Variants in RBFOX1 observed in about 807,000 individuals in gnomAD.
RBFOX1 encodes the protein RNA binding fox-1 homolog 1.
A neutral mutation model predicts 57.7 loss-of-function variants in RBFOX1; 8 were observed. That is an observed-to-expected ratio of 0.14 (90% CI 0.08 to 0.25). RBFOX1 has a LOEUF of 0.25. Ranked by LOEUF, RBFOX1 falls within the 10% of genes least tolerant of loss-of-function variation. RBFOX1 has a pLI of 1.00. For synonymous variants in RBFOX1, 326 were observed against 222.4 expected (o/e 1.47, Z -4.15); for missense variants, 611 against 548.5 (o/e 1.11, Z -1.14).
intron 4 of RBFOX1, among the ~76,000 whole-genome samples, chr16:7,467,119 G>A (rs150360840): frequency 6.6e-6 from 1 of 152,284 alleles, no homozygotes; most frequent in African/African-American, 2.4e-5. Context: ...AGTAACACAA[G>A]CATCTAACAG....
At chr16:7,486,230 C>A (rs1384393886) in intron 4 of RBFOX1, among the ~76,000 whole-genome samples, 1 of 139,300 alleles carries the variant, frequency 7.2e-6, no homozygotes, top group South Asian at 2.4e-4. Context: ...TCAAGTGATT[C>A]TCCTGCCTCA....
intron 12 of RBFOX1, among the ~76,000 whole-genome samples, chr16:7,660,153 T>G (rs1456133246): frequency 6.6e-6 from 1 of 152,190 alleles, no homozygotes; most frequent in African/African-American, 2.4e-5. Context: ...ACTTTTTTTT[T>G]AAAGTAAACT....
intron 4 of RBFOX1, among the ~76,000 whole-genome samples, chr16:7,069,463 C>T (rs1431343105): frequency 6.6e-6 from 1 of 152,140 alleles, no homozygotes; most frequent in Non-Finnish European, 1.5e-5. Flanking sequence ...TTTTCTGTTC[C>T]TGTTTTCGTT....
At chr16:5,709,815 A>ATG (rs1385398207) in intron 3 of RBFOX1, among the ~76,000 whole-genome samples, 3 of 11,484 alleles carry the variant, frequency 2.6e-4, no homozygotes, top group African/African-American at 1.4e-3. Context: ...TTCTTTATAT[A>ATG]TATATATATA....
At chr16:7,632,585 A>C (rs1478293060) in intron 11 of RBFOX1, among the ~76,000 whole-genome samples, 1 of 152,214 alleles carries the variant, frequency 6.6e-6, no homozygotes, top group African/African-American at 2.4e-5. Flanking sequence ...CCATTTGACT[A>C]AATCTGATCG....
intron 2 of RBFOX1, among the ~76,000 whole-genome samples, chr16:6,351,372 A>AT (rs761394862): frequency 0.017 from 1,479 of 86,308 alleles, 27 homozygotes; most frequent in African/African-American, 0.036. Flanking sequence ...ATATATATAT[A>AT]TTTTTTTTTT....
In RBFOX1 at chr16:5,572,127, G is replaced by C. The variant is rs111492462; in HGVS notation, c.259-26775G>C. Among the ~76,000 whole-genome samples the C allele has an allele frequency of 5.5e-3, 832 of 152,232 alleles. 2 individuals carry two copies. The highest frequency in any genetic ancestry group is 9.0e-3 in the Non-Finnish European group (615 of 68,022). Reference sequence around the variant, plus strand: ...GGTCCCTTAAATACATGATTTGTTAGGAATGGAATGGCTTAATCTAGGTGG... The same window carrying C: ...GGTCCCTTAAATACATGATTTGTTACGAATGGAATGGCTTAATCTAGGTGG... On this transcript the variant is annotated intron_variant, in intron 2 of 2. Transcript: ENST00000585867.
At chr16:7,417,778 T>C (rs1026511785) in intron 4 of RBFOX1, among the ~76,000 whole-genome samples, 6 of 152,228 alleles carry the variant, frequency 3.9e-5, no homozygotes, top group African/African-American at 1.4e-4. Context: ...AAAGGCTTCA[T>C]GTTGGTCACC....
At chr16:5,320,751 C>G (rs1429175410) in intron 1 of RBFOX1, among the ~76,000 whole-genome samples, 1 of 152,160 alleles carries the variant, frequency 6.6e-6, no homozygotes, top group East Asian at 1.9e-4. Context: ...CCTGGCCACC[C>G]TTGATATCGG....
At chr16:7,709,338 A>G (rs2083507123) in intron 15 of RBFOX1, among the ~76,000 whole-genome samples, 2 of 152,226 alleles carry the variant, frequency 1.3e-5, no homozygotes, top group South Asian at 4.1e-4. Flanking sequence ...GTAAGTTATT[A>G]TATTTCTAAT....
chr16:7,513,551 A>C (rs983783473), intron 4 of RBFOX1, among the ~76,000 whole-genome samples: 2 of 152,182 alleles, frequency 1.3e-5, no homozygotes, highest in African/African-American at 4.8e-5. Context: ...AGGTAGTCGT[A>C]TACTCTGTAA....
At chr16:7,077,100 T>C (rs144406639) in intron 4 of RBFOX1, among the ~76,000 whole-genome samples, 21 of 152,330 alleles carry the variant, frequency 1.4e-4, no homozygotes, top group African/African-American at 3.1e-4. Context: ...GATGCACTTA[T>C]AATTTTCTGC....
rs1208311919 is a variant in RBFOX1, at chr16:5,333,441, C to T, written c.219+93336C>T. ...ACAGCTGAAAATATTTTCTACCTGG[C>T]CCTTAATAGGAAGAGTTTACAGATC... On this transcript the variant is annotated intron_variant, in intron 1 of 2. Transcript: ENST00000585867. Among the ~76,000 whole-genome samples, 3 of 24,106 alleles carry T rather than the reference C, an allele frequency of 1.2e-4. No individual in the cohort carries two copies. In the Non-Finnish European group the frequency reaches 0.013, roughly 102 times the overall value. The allele number at this position is 24,106 out of a possible 152,430, so 15.8% of individuals were successfully genotyped here. A position where few individuals can be genotyped will look rare whatever the true frequency, so the allele number is the denominator to read the frequency against.
At chr16:6,409,400 G>A (rs747447418) in intron 2 of RBFOX1, among the ~76,000 whole-genome samples, 8 of 152,240 alleles carry the variant, frequency 5.3e-5, no homozygotes, top group Non-Finnish European at 1.2e-4. Context: ...GGCAACGGGA[G>A]CGAAACCCGG....
intron 4 of RBFOX1, among the ~76,000 whole-genome samples, chr16:5,923,094 G>C (rs747982993): frequency 1.3e-5 from 2 of 152,316 alleles, no homozygotes; most frequent in South Asian, 4.1e-4. Context: ...TGCTGGAGCA[G>C]CTGATAATTT....
At chr16:7,026,506 C>G (rs77879735) in intron 3 of RBFOX1, among the ~76,000 whole-genome samples, 3 of 151,980 alleles carry the variant, frequency 2.0e-5, no homozygotes, top group East Asian at 1.9e-4. Flanking sequence ...TTCTTCTTCT[C>G]TCTGTTTCTA....
At chr16:6,565,558 C>G (rs1471595459) in intron 2 of RBFOX1, among the ~76,000 whole-genome samples, 3 of 144,126 alleles carry the variant, frequency 2.1e-5, no homozygotes, top group Non-Finnish European at 3.1e-5. Context: ...CGCCCAGCTC[C>G]CAGATTCAAG....
At chr16:6,979,894 A>C (rs1257843175) in intron 3 of RBFOX1, among the ~76,000 whole-genome samples, 2 of 152,128 alleles carry the variant, frequency 1.3e-5, no homozygotes, top group Admixed American at 6.6e-5. Flanking sequence ...AGGTGTGGCC[A>C]CAGGACAAGA....
chr16:5,581,118 C>G (rs548243203), intron 2 of RBFOX1, among the ~76,000 whole-genome samples: 10 of 152,148 alleles, frequency 6.6e-5, no homozygotes, highest in Non-Finnish European at 1.5e-4. Context: ...TGGCACTTGA[C>G]AGATCCAGAG....
Sources: gnomAD v4.1 joint callset for allele counts (sites outside exome capture counted in the v4.1 genomes callset) on GRCh38, gnomAD v4.1.1 for gene constraint, MANE v1.5 for transcripts, NCBI Gene and HGNC (gene_info 2026-07-23, HGNC 2026-07-21) for gene names.